HK2: variants seen among roughly 807,000 people sequenced by gnomAD.
The protein encoded by HK2 is hexokinase-2.
HK2 carries 42 observed loss-of-function variants against 92.9 expected under a neutral mutation model. The ratio of observed to expected loss-of-function variants is 0.45; its 90% CI spans 0.35 to 0.58. HK2 has a LOEUF of 0.58. Among genes scored for constraint, HK2 ranks in the 20% least tolerant of loss-of-function variants. The probability of loss-of-function intolerance (pLI) is 0.00; values close to 1 mark genes in which losing one functional copy is unlikely to be tolerated. For missense variants in HK2, 978 were observed against 1,245.1 expected, an observed-to-expected ratio of 0.79 and a Z score of 3.23; for synonymous variants, 422 against 468.0, an observed-to-expected ratio of 0.90 and a Z score of 1.27.
chr2:74,863,572 G>A (rs3755453), intron 2 of HK2, among the ~76,000 whole-genome samples: 28,527 of 152,134 alleles, frequency 0.19, 3,086 homozygotes, highest in Admixed American at 0.32. Flanking sequence ...TGGAAAATAC[G>A]TGCCTTGAGA....
chr2:74,852,451 G>T (rs563908496), intron 1 of HK2, among the ~76,000 whole-genome samples: 4 of 152,282 alleles, frequency 2.6e-5, no homozygotes, highest in African/African-American at 9.6e-5. Context: ...TCAGGCTGAA[G>T]CTGCACCCTT....
intron 2 of HK2, among the ~76,000 whole-genome samples, chr2:74,865,658 G>A (rs960401037): frequency 3.9e-5 from 6 of 152,142 alleles, no homozygotes; most frequent in Non-Finnish European, 5.9e-5. Flanking sequence ...GCCCGCAGCT[G>A]TAGCTAGTGG....
At chr2:74,854,547 A>C in intron 2 of HK2, 92 bp downstream of exon 2, 1 of 1,374,608 alleles carries the variant, frequency 7.3e-7, no homozygotes, top group South Asian at 1.2e-5. Flanking sequence ...CAAAAGCCTC[A>C]GAAACCAACC....
intron 10 of HK2, among the ~76,000 whole-genome samples, chr2:74,881,071 T>TTTA (rs3078015): frequency 0.68 from 103,693 of 151,848 alleles, 35,617 homozygotes; most frequent in Middle Eastern, 0.81. Context: ...TACATAAGGT[T>TTTA]TTATTACACA....
rs761309500 is a variant in HK2, at chr2:74,874,465, C to A, written c.875+16C>A. On this transcript the variant is annotated intron_variant, in intron 7 of 17. Coordinates refer to ENST00000290573, the MANE Select transcript of HK2 (RefSeq NM_000189.5). Reference sequence around the variant, plus strand: ...GAAAGCAACTGTGAGTAGGCCCTTCCTGTGCGAGTGGGCTTGGCGGGGGCC... The same window carrying A: ...GAAAGCAACTGTGAGTAGGCCCTTCATGTGCGAGTGGGCTTGGCGGGGGCC... The A allele has an allele frequency of 1.3e-6, 2 of 1,585,964 alleles. No individual in the cohort carries two copies. Among genetic ancestry groups the A allele is most frequent in the Non-Finnish European group, 1.7e-6 (2 of 1,164,160 alleles).
At chr2:74,879,188 C>G (rs528331864) in intron 9 of HK2, among the ~76,000 whole-genome samples, 30 of 152,278 alleles carry the variant, frequency 2.0e-4, no homozygotes, top group Admixed American at 9.2e-4. Flanking sequence ...CTTTGCCACC[C>G]TCTTGTATGC....
At chr2:74,852,780 G>A (rs566478425) in intron 1 of HK2, among the ~76,000 whole-genome samples, 2 of 152,300 alleles carry the variant, frequency 1.3e-5, no homozygotes, top group East Asian at 3.9e-4. Flanking sequence ...GTGAATTTAT[G>A]TGGGAAACAG....
In HK2 at chr2:74,886,673, G is replaced by T; in HGVS notation, c.2219G>T (p.Arg740Met). 1 of 1,613,932 alleles carries T rather than the reference G, an allele frequency of 6.2e-7. No homozygotes were observed. The highest frequency in any genetic ancestry group is 8.5e-7 in the Non-Finnish European group (1 of 1,179,972). ...CTTTCACTCAACCCCGGCAAGCAGA[G>T]GTAGGCACCCAACTGGGGCCCTGTT... is the stretch of plus-strand genomic sequence containing the variant. ...DELSLNPGKQ[R>M]FEKMISGMYL... The change falls in exon 15 of 18, where the codon AGG (arginine) becomes ATG (methionine). Residue 740 changes from arginine (R) to methionine (M), a missense_variant and splice_region_variant. Around this residue, in one of 3 missense-constraint regions of HK2, gnomAD observed 742 missense variants for 922.5 expected, o/e 0.80. Coordinates refer to ENST00000290573, the MANE Select transcript of HK2 (RefSeq NM_000189.5).
intron 1 of HK2, among the ~76,000 whole-genome samples, chr2:74,837,627 C>G (rs1040057778): frequency 6.6e-5 from 10 of 151,504 alleles, no homozygotes; most frequent in African/African-American, 2.4e-4. Context: ...TCCATCCTTT[C>G]ATTCCTCTGT....
At chr2:74,836,510 AGTT>A (rs1688170069) in intron 1 of HK2, among the ~76,000 whole-genome samples, 1 of 152,146 alleles carries the variant, frequency 6.6e-6, no homozygotes, top group African/African-American at 2.4e-5. Flanking sequence ...CACTTTATGG[AGTT>A]GCGATTATTA....
At position 74,844,494 on chromosome 2, in the gene HK2, T is replaced by C. The variant is rs542166625; in HGVS notation, c.64-9799T>C. 5.3e-5 allele frequency among the ~76,000 whole-genome samples: 8 copies of C among 152,290 alleles called. No homozygotes were observed. In the South Asian group the frequency reaches 1.7e-3, roughly 32 times the overall value. On this transcript the variant is annotated intron_variant, in intron 1 of 17. Coordinates refer to ENST00000290573, the MANE Select transcript of HK2 (RefSeq NM_000189.5). The stretch of plus-strand genomic sequence containing the variant: ...TGACCACAGGTGTAAACTGAGATTG[T>C]CTTGGGTAAGCAGGGAAGTGTGGGT...
chr2:74,855,163 A>C (rs1688665939), intron 2 of HK2, among the ~76,000 whole-genome samples: 1 of 151,988 alleles, frequency 6.6e-6, no homozygotes, highest in South Asian at 2.1e-4. Context: ...AGCCCGGCTA[A>C]TTTTGTATTT....
chr2:74,854,384 G>A lies in HK2; in HGVS notation c.155G>A (p.Gly52Glu), dbSNP rs1331695697. The change falls in exon 2 of 18, where the codon GGA becomes GAA. Residue 52 changes from glycine to glutamate, a missense_variant. Physicochemically the swap from Gly to Glu is moderately conservative, Grantham distance 98. Transcript: ENST00000290573. The part of the protein sequence containing the change: ...RFRKEMEKGL[G>E]ATTHPTAAVK... ...CGCAAGGAGATGGAGAAAGGGCTTG[G>A]AGCCACCACTCACCCTACTGCAGCA... 1.2e-6 allele frequency: 2 copies of A among 1,614,140 alleles called. No individual in the cohort carries two copies. Among genetic ancestry groups the A allele is most frequent in the East Asian group, 2.2e-5 (1 of 44,884 alleles).
Position 74,890,864 on chromosome 2 carries a change from T to C in HK2, c.2677T>C (p.Ser893Pro). ...APKCDVSFLQ[S>P]EDGSGKGAAL... ...GAAATGTGATGTGTCTTTCCTGCAG[T>C]CAGAGGATGGCAGCGGGAAGGGGGC... is the stretch of plus-strand genomic sequence containing the variant. The change falls in exon 18 of 18, where the codon TCA (serine) becomes CCA (proline). Residue 893 changes from serine (S) to proline (P), a missense_variant. Physicochemically the swap from Ser to Pro is moderately conservative, Grantham distance 74. Coordinates refer to ENST00000290573, the MANE Select transcript of HK2 (RefSeq NM_000189.5). 6.2e-7 allele frequency: 1 copy of C among 1,614,190 alleles called. No homozygotes were observed. The highest frequency in any genetic ancestry group is 8.5e-7 in the Non-Finnish European group (1 of 1,180,014).
At chr2:74,860,299 A>G (rs1254517052) in intron 2 of HK2, among the ~76,000 whole-genome samples, 5 of 152,162 alleles carry the variant, frequency 3.3e-5, no homozygotes, top group Admixed American at 2.6e-4. Context: ...CAGTATATCC[A>G]TGTAACAAAA....
At chr2:74,888,834 A>G (rs1455438315) in intron 16 of HK2, among the ~76,000 whole-genome samples, 1 of 152,326 alleles carries the variant, frequency 6.6e-6, no homozygotes, top group Middle Eastern at 3.4e-3. Context: ...CACCCAGAGC[A>G]GCAGAGCAGA....
At chr2:74,835,844 G>C (rs1205925852) in intron 1 of HK2, among the ~76,000 whole-genome samples, 2 of 152,126 alleles carry the variant, frequency 1.3e-5, no homozygotes, top group Non-Finnish European at 2.9e-5. Context: ...CACATTTTTG[G>C]GAAAATGTCT....
At chr2:74,848,190 C>T (rs995490501) in intron 1 of HK2, among the ~76,000 whole-genome samples, 2 of 152,170 alleles carry the variant, frequency 1.3e-5, no homozygotes, top group African/African-American at 4.8e-5. Flanking sequence ...AAATCTGTGA[C>T]ACTTCCCATG....
At chr2:74,888,127 G>C (rs539443855) in intron 16 of HK2, 69 bp downstream of exon 16, 10 of 1,530,412 alleles carry the variant, frequency 6.5e-6, no homozygotes, top group Non-Finnish European at 8.1e-6. Context: ...CAAACTGAAG[G>C]ATTTCCATAA....
Sources: gnomAD v4.1 joint callset for allele counts (sites outside exome capture counted in the v4.1 genomes callset) on GRCh38, gnomAD v4.1.1 for gene constraint, gnomAD v4.1.1 regional missense constraint, MANE v1.5 for transcripts, NCBI Gene and HGNC (gene_info 2026-07-23, HGNC 2026-07-21) for gene names.